The following ILF2 variants were observed in gnomAD, a reference collection of about 807,000 sequenced individuals.
ILF2 encodes interleukin enhancer binding factor 2.
Under a neutral mutation model 55.3 loss-of-function variants are expected in ILF2, and 9 were observed. That is an observed-to-expected ratio of 0.16 (90% CI 0.10 to 0.28). The LOEUF (loss-of-function observed/expected upper bound fraction) is 0.28. ILF2 is among the 10% of genes least tolerant of loss of function. The probability of loss-of-function intolerance (pLI) is 1.00; values close to 1 mark genes in which losing one functional copy is unlikely to be tolerated. For synonymous variants in ILF2, 151 were observed against 161.8 expected, an observed-to-expected ratio of 0.93 and a Z score of 0.50; for missense variants, 266 against 474.9, an observed-to-expected ratio of 0.56 and a Z score of 4.09.
intron 6 of ILF2, 64 bp downstream of exon 6, chr1:153,667,491 G>A (rs773311423): frequency 8.7e-7 from 1 of 1,155,634 alleles, no homozygotes; most frequent in South Asian, 1.2e-5. Context: ...AACAAAAAAA[G>A]ATACCTAAAC....
chr1:153,668,588 T>G, intron 3 of ILF2, 31 bp from the exon 4 acceptor site: 1 of 1,594,852 alleles, frequency 6.3e-7, no homozygotes, highest in Non-Finnish European at 8.5e-7. Flanking sequence ...TACATTCTAT[T>G]TGCCGAAGAT....
chr1:153,668,231 G>A (rs1038314690), intron 4 of ILF2, among the ~76,000 whole-genome samples, 154 bp from the exon 5 acceptor site: 1 of 152,150 alleles, frequency 6.6e-6, no homozygotes, highest in Non-Finnish European at 1.5e-5. Context: ...TATATGGGAA[G>A]AGAACAACTC....
In ILF2 at chr1:153,666,328, C is replaced by T. The variant is rs539467892; in HGVS notation, c.395-600G>A. ...CCTCCCAAGTAGTGGGGATTACAGA[C>T]GCCCACCACCACGCCTGGCTAATTT... On this transcript the variant is annotated intron_variant, in intron 6 of 13. Transcript: ENST00000361891. Among the ~76,000 whole-genome samples, 6 of 152,300 alleles carry T rather than the reference C, an allele frequency of 3.9e-5. No homozygotes were observed. In the South Asian group the frequency reaches 1.0e-3, roughly 26 times the overall value.
chr1:153,663,858 C>CT (rs1392256737), intron 10 of ILF2, among the ~76,000 whole-genome samples, 185 bp downstream of exon 10: 1 of 149,610 alleles, frequency 6.7e-6, no homozygotes, highest in Non-Finnish European at 1.5e-5. Flanking sequence ...ACAAATGTCT[C>CT]TGAGTCATGT....
Position 153,662,362 on chromosome 1 carries a change from T to TC in ILF2, c.*33dup, listed in dbSNP as rs755571710. The TC allele has an allele frequency of 6.2e-7, 1 of 1,612,858 alleles. No individual in the cohort carries two copies. Among genetic ancestry groups the TC allele is most frequent in the Admixed American group, 1.7e-5 (1 of 59,914 alleles). ...TAGCAGGCAGCTTAGGCTCCAGTCT[T>TC]CCCCCTTGGGTAGGAAAAGGAGTGA... On this transcript the variant is annotated 3_prime_UTR_variant, in exon 14 of 14. Transcript: ENST00000361891.
chr1:153,662,897 G>A, intron 12 of ILF2, 102 bp from the exon 13 acceptor site: 2 of 1,324,256 alleles, frequency 1.5e-6, no homozygotes, highest in Non-Finnish European at 2.2e-6. Context: ...TAAATCTCAG[G>A]ACCAAAGTCT....
At chr1:153,663,343 T>C (rs1019550978) in intron 10 of ILF2, 67 bp from the exon 11 acceptor site, 14 of 1,435,226 alleles carry the variant, frequency 9.8e-6, no homozygotes, top group Non-Finnish European at 1.4e-5. Flanking sequence ...AACTTTATTT[T>C]TTAGAGACAG....
rs1417350208 is a variant in ILF2 at position 153,663,985 on chromosome 1, AC to A, written c.744+57del. ...TACTACTACTACTACTACTACTACT[AC>A]TACTACTACTAGTAAATAAGGATGA... On this transcript the variant is annotated intron_variant, in intron 10 of 13. Transcript: ENST00000361891. 4.9e-5 allele frequency: 43 copies of A among 874,956 alleles called. 1 individual carries two copies. The highest frequency in any genetic ancestry group is 7.7e-5 in the Non-Finnish European group (41 of 531,482). The allele number at this position is 874,956 out of a possible 1,614,324, so 54.2% of individuals were successfully genotyped here. A position where few individuals can be genotyped will look rare whatever the true frequency, so the allele number is the denominator to read the frequency against.
intron 13 of ILF2, 29 bp from the exon 14 acceptor site, chr1:153,662,585 G>A (rs780809156): frequency 8.8e-6 from 14 of 1,597,056 alleles, no homozygotes; most frequent in Admixed American, 1.7e-5. Context: ...TGATTTAGAC[G>A]AGTAGCCCAG....
chr1:153,662,938 G>C, intron 12 of ILF2, 81 bp downstream of exon 12: 1 of 1,369,306 alleles, frequency 7.3e-7, no homozygotes, highest in Non-Finnish European at 1.0e-6. Context: ...GACCCGTAAA[G>C]ACCATATTCC....
chr1:153,665,407 G>A (rs1287433445), intron 7 of ILF2, 71 bp from the exon 8 acceptor site: 1 of 1,017,870 alleles, frequency 9.8e-7, no homozygotes, highest in Admixed American at 1.8e-5. Flanking sequence ...ATCCAGGGTG[G>A]GGGGGAACAG....
At chr1:153,669,930 T>C in intron 2 of ILF2, 52 bp from the exon 3 acceptor site, 2 of 1,454,470 alleles carry the variant, frequency 1.4e-6, no homozygotes, top group Non-Finnish European at 1.9e-6. Flanking sequence ...TCAAGCGAGA[T>C]GTAAATAACA....
Position 153,664,472 on chromosome 1 carries a change from C to T in ILF2, c.580G>A (p.Asp194Asn). 1 of 1,611,756 alleles carries T rather than the reference C, an allele frequency of 6.2e-7. No homozygotes were observed. The highest frequency in any genetic ancestry group is 8.5e-7 in the Non-Finnish European group (1 of 1,177,912). The change falls in exon 9 of 14, where the codon GAT becomes AAT. Residue 194 changes from aspartate (D) to asparagine (N), a missense_variant and splice_region_variant. By Grantham distance (23) the Asp-to-Asn change is conservative. Coordinates refer to ENST00000361891, the MANE Select transcript of ILF2 (RefSeq NM_004515.4). ...LRKLDPELHLDIKVLQSALAA... is the reference protein window; with the variant it reads ...LRKLDPELHLNIKVLQSALAA... ...AAGGCACTCTGCAATACTTTGATAT[C>T]CACTAAAAAGACAAGCATGATATGC...
chr1:153,668,423 C>T (rs565433907), intron 4 of ILF2, 30 bp downstream of exon 4: 2 of 1,613,674 alleles, frequency 1.2e-6, no homozygotes, highest in Non-Finnish European at 8.5e-7. Context: ...GCTTTAGAGA[C>T]ATTTCTGGAA....
At position 153,670,954 on chromosome 1, in the gene ILF2, A is replaced by G; in HGVS notation, c.-32T>C. On this transcript the variant is annotated 5_prime_UTR_variant, in exon 1 of 14. Transcript: ENST00000361891. Reference sequence around the variant, plus strand: ...TTAAAACACGAACAATGGAGGCCGCACCAACCGCCCCTTCCTCTGAGTAGC... The same window carrying G: ...TTAAAACACGAACAATGGAGGCCGCGCCAACCGCCCCTTCCTCTGAGTAGC... The G allele has an allele frequency of 6.2e-7, 1 of 1,614,088 alleles. No homozygotes were observed.
intron 10 of ILF2, 59 bp downstream of exon 10, chr1:153,663,984 T>G (rs1669242959): frequency 1.1e-6 from 1 of 872,382 alleles, no homozygotes; most frequent in Non-Finnish European, 1.9e-6. Context: ...CTACTACTAC[T>G]ACTACTACTA....
chr1:153,666,182 T>C (rs1196045052), intron 6 of ILF2, among the ~76,000 whole-genome samples: 1 of 151,060 alleles, frequency 6.6e-6, no homozygotes, highest in Non-Finnish European at 1.5e-5. Context: ...CTGCTTTTTT[T>C]TTCTTTTTTT....
chr1:153,669,539 G>A (rs571337827), intron 3 of ILF2, among the ~76,000 whole-genome samples: 37 of 150,886 alleles, frequency 2.5e-4, no homozygotes, highest in Admixed American at 1.5e-3. Flanking sequence ...CAACCTCCGC[G>A]TCCCGGGTTC....
chr1:153,665,804 C>A, intron 6 of ILF2, 76 bp from the exon 7 acceptor site: 1 of 1,092,732 alleles, frequency 9.2e-7, no homozygotes. Flanking sequence ...AGCTACTTTG[C>A]ACTCTCATTT....
Sources: gnomAD v4.1 joint callset for allele counts (sites outside exome capture counted in the v4.1 genomes callset) on GRCh38, gnomAD v4.1.1 for gene constraint, MANE v1.5 for transcripts, NCBI Gene and HGNC (gene_info 2026-07-23, HGNC 2026-07-21) for gene names.